Variants in CACNA2D1 observed in about 807,000 individuals in gnomAD.
The protein encoded by CACNA2D1 is calcium voltage-gated channel auxiliary subunit alpha2delta 1, also known as voltage-dependent calcium channel subunit alpha-2/delta-1.
CACNA2D1 carries 53 observed loss-of-function variants against 171.5 expected under a neutral mutation model. The observed-to-expected ratio is 0.31, with a 90% CI of 0.25 to 0.39. The LOEUF (loss-of-function observed/expected upper bound fraction) is 0.39. CACNA2D1 is among the 10% of genes least tolerant of loss of function. The pLI is 1.00. For missense variants in CACNA2D1, 903 were observed against 1,299.8 expected, an observed-to-expected ratio of 0.69 and a Z score of 4.69; for synonymous variants, 442 against 443.1, an observed-to-expected ratio of 1.00 and a Z score of 0.03.
In CACNA2D1 at chr7:82,186,582, A is replaced by C. The variant is rs576298850; in HGVS notation, c.295-15973T>G. The stretch of plus-strand genomic sequence containing the variant: ...ACACCCCAGACCTGACAGAGGTACG[A>C]GGGCGTTACCATGTATACAGATAGT... On this transcript the variant is annotated intron_variant, in intron 3 of 38. Coordinates refer to ENST00000356860, the MANE Select transcript of CACNA2D1 (RefSeq NM_000722.4). Among the ~76,000 whole-genome samples, 8 of 152,300 alleles carry C rather than the reference A, an allele frequency of 5.3e-5. No individual in the cohort carries two copies. The South Asian group carries it at 1.0e-3, about 20-fold the overall frequency.
intron 5 of CACNA2D1, among the ~76,000 whole-genome samples, chr7:82,120,195 CTGTGTGTG>C (rs113662503): frequency 4.6e-5 from 7 of 151,394 alleles, no homozygotes; most frequent in African/African-American, 1.7e-4. Context: ...GCACGTGTGT[CTGTGTGTG>C]TGTGTGCATG....
intron 20 of CACNA2D1, among the ~76,000 whole-genome samples, chr7:81,992,340 A>G (rs371928268): frequency 6.6e-6 from 1 of 152,126 alleles, no homozygotes; most frequent in East Asian, 1.9e-4. Flanking sequence ...GTGTTAAAGA[A>G]GAGGTAAGGT....
At chr7:82,050,926 T>A (rs1805123078) in intron 10 of CACNA2D1, 1 of 340,462 alleles carries the variant, frequency 2.9e-6, no homozygotes, top group Non-Finnish European at 5.6e-6. Context: ...TTTCCAAAGC[T>A]GCACAGTTAT....
chr7:81,975,836 G>A (rs1005347134), intron 24 of CACNA2D1, among the ~76,000 whole-genome samples: 6 of 151,544 alleles, frequency 4.0e-5, no homozygotes, highest in East Asian at 3.9e-4. Flanking sequence ...TCTAATTTTC[G>A]TTGGAAAGCT....
chr7:82,406,621 A>T (rs1024684407), intron 1 of CACNA2D1, among the ~76,000 whole-genome samples: 23 of 152,034 alleles, frequency 1.5e-4, no homozygotes, highest in African/African-American at 5.3e-4. Context: ...TGTGGTTTTG[A>T]TTTGCATTTC....
At chr7:82,130,936 A>G (rs887142480) in intron 5 of CACNA2D1, among the ~76,000 whole-genome samples, 2 of 151,528 alleles carry the variant, frequency 1.3e-5, no homozygotes, top group African/African-American at 4.8e-5. Context: ...AGCTGAGACT[A>G]CAGGCGCCCG....
At chr7:82,184,467 A>G (rs1361604318) in intron 3 of CACNA2D1, among the ~76,000 whole-genome samples, 1 of 151,840 alleles carries the variant, frequency 6.6e-6, no homozygotes, top group Admixed American at 6.6e-5. Flanking sequence ...TTTAGTTTTT[A>G]TTTTAATTTG....
At chr7:82,218,551 T>C (rs1801424928) in intron 3 of CACNA2D1, among the ~76,000 whole-genome samples, 1 of 151,906 alleles carries the variant, frequency 6.6e-6, no homozygotes, top group South Asian at 2.1e-4. Context: ...GTAGAACTTG[T>C]CTACACCACA....
At chr7:82,087,446 C>T (rs1402002072) in intron 6 of CACNA2D1, among the ~76,000 whole-genome samples, 1 of 151,748 alleles carries the variant, frequency 6.6e-6, no homozygotes, top group African/African-American at 2.4e-5. Flanking sequence ...AGTTCTTCCT[C>T]AGAGTATTAT....
At chr7:82,207,500 T>A (rs1282653628) in intron 3 of CACNA2D1, among the ~76,000 whole-genome samples, 2 of 152,120 alleles carry the variant, frequency 1.3e-5, no homozygotes, top group Admixed American at 1.3e-4. Flanking sequence ...GCTGTACTTT[T>A]CATGTTTGAT....
At chr7:82,290,414 G>A (rs971899815) in intron 3 of CACNA2D1, among the ~76,000 whole-genome samples, 1 of 152,128 alleles carries the variant, frequency 6.6e-6, no homozygotes, top group Non-Finnish European at 1.5e-5. Context: ...CAAGACGTAA[G>A]AGTCCAAGCT....
chr7:82,203,642 C>T (rs193215051), intron 3 of CACNA2D1, among the ~76,000 whole-genome samples: 2 of 152,170 alleles, frequency 1.3e-5, no homozygotes, highest in Non-Finnish European at 2.9e-5. Flanking sequence ...TTGAGCTGCA[C>T]GTGCATGTGA....
chr7:82,412,280 C>CTT lies in CACNA2D1; in HGVS notation c.95+31083_95+31084dup, dbSNP rs11419755. ...TGTTCAAAGCTATCAGTGCTTGTAACTTTTTTTTTTTTTTTTTTTTGAGAC... is the reference window on the plus strand; with the variant it reads ...TGTTCAAAGCTATCAGTGCTTGTAACTTTTTTTTTTTTTTTTTTTTTTGAGAC... On this transcript the variant is annotated intron_variant, in intron 1 of 38. Coordinates refer to ENST00000356860, the MANE Select transcript of CACNA2D1 (RefSeq NM_000722.4). Among the ~76,000 whole-genome samples, 1,225 of 124,812 alleles carry CTT rather than the reference C, an allele frequency of 9.8e-3. 34 individuals carry two copies. The highest frequency in any genetic ancestry group is 0.054 in the East Asian group (225 of 4,192). 81.9% of individuals were successfully genotyped at this position (124,812 alleles called of 152,430 possible).
chr7:82,008,705 G>A (rs1027416634), intron 15 of CACNA2D1, among the ~76,000 whole-genome samples: 5 of 152,012 alleles, frequency 3.3e-5, no homozygotes, highest in African/African-American at 9.7e-5. Context: ...CAAATCTCAA[G>A]AACTCAGAAC....
intron 6 of CACNA2D1, among the ~76,000 whole-genome samples, chr7:82,108,320 G>T (rs929290087): frequency 1.3e-5 from 2 of 152,144 alleles, no homozygotes; most frequent in Admixed American, 6.6e-5. Flanking sequence ...TAGCTATAAA[G>T]TATAGCTACT....
chr7:82,356,704 C>A (rs1246682058), intron 1 of CACNA2D1, among the ~76,000 whole-genome samples: 1 of 151,808 alleles, frequency 6.6e-6, no homozygotes, highest in Non-Finnish European at 1.5e-5. Context: ...GAATGCGTAT[C>A]TCTCCGTAAT....
chr7:82,414,548 G>A (rs1414950496), intron 1 of CACNA2D1, among the ~76,000 whole-genome samples: 2 of 152,186 alleles, frequency 1.3e-5, no homozygotes, highest in Non-Finnish European at 2.9e-5. Context: ...TGGGAAGCAA[G>A]AGCAGCAGTG....
rs1467159486 is a variant in CACNA2D1, at chr7:81,950,348, G to A, written c.*44C>T. 2 of 1,612,630 alleles carry A rather than the reference G, an allele frequency of 1.2e-6. No individual in the cohort carries two copies. The highest frequency in any genetic ancestry group is 1.7e-6 in the Non-Finnish European group (2 of 1,179,122). ...TAATTGAGGGCAGGGCTCATGTTTT[G>A]GCAGGGTCTGGAGTTTAACTATGCA... On this transcript the variant is annotated 3_prime_UTR_variant, in exon 39 of 39. Transcript: ENST00000356860.
At chr7:82,037,862 T>A (rs991956088) in intron 11 of CACNA2D1, among the ~76,000 whole-genome samples, 3 of 152,142 alleles carry the variant, frequency 2.0e-5, no homozygotes. Context: ...ATAAAAAATA[T>A]CAAAAACTTA....
Sources: gnomAD v4.1 joint callset for allele counts (sites outside exome capture counted in the v4.1 genomes callset) on GRCh38, gnomAD v4.1.1 for gene constraint, MANE v1.5 for transcripts, NCBI Gene and HGNC (gene_info 2026-07-23, HGNC 2026-07-21) for gene names.